The following DNMT3A variants were observed in gnomAD, a reference collection of about 807,000 sequenced individuals.
DNMT3A encodes DNA methyltransferase 3 alpha, also known as DNA (cytosine-5)-methyltransferase 3A.
DNMT3A carries 267 observed loss-of-function variants against 117.6 expected under a neutral mutation model. That is an observed-to-expected ratio of 2.27 (90% confidence interval 2.05 to 2.51). DNMT3A has a LOEUF of 2.51. DNMT3A is among the 30% of genes most tolerant of loss of function. The probability of loss-of-function intolerance (pLI) is 0.00; values close to 1 mark genes in which losing one functional copy is unlikely to be tolerated. For missense variants in DNMT3A, 1,029 were observed against 1,260.2 expected, an observed-to-expected ratio of 0.82 and a Z score of 2.78; for synonymous variants, 432 against 474.8, an observed-to-expected ratio of 0.91 and a Z score of 1.17.
At chr2:25,322,115 G>A (rs1470195377) in intron 1 of DNMT3A, among the ~76,000 whole-genome samples, 1 of 152,218 alleles carries the variant, frequency 6.6e-6, no homozygotes, top group Non-Finnish European at 1.5e-5. Context: ...TTGCCTCTGA[G>A]AAGAGGATAA....
At position 25,248,261 on chromosome 2, in the gene DNMT3A, A is replaced by C; in HGVS notation, c.640-9T>G. On this transcript the variant is annotated splice_polypyrimidine_tract_variant and intron_variant, in intron 6 of 22. Coordinates refer to ENST00000321117, the MANE Select transcript of DNMT3A (RefSeq NM_022552.5). ...TTGGCTTTCTTCTCAGCCTGGGGAA[A>C]CAAAAAACAAAAAGTCACCTTGACC... is the stretch of plus-strand genomic sequence containing the variant. 6.2e-7 allele frequency: 1 copy of C among 1,611,740 alleles called. No homozygotes were observed. Among genetic ancestry groups the C allele is most frequent in the Non-Finnish European group, 8.5e-7 (1 of 1,179,434 alleles).
Position 25,284,146 on chromosome 2 carries a change from CCTCGCTGG to C in DNMT3A, c.178-1443_178-1436del, listed in dbSNP as rs146653817. On this transcript the variant is annotated intron_variant, in intron 3 of 22. Coordinates refer to ENST00000321117, the MANE Select transcript of DNMT3A (RefSeq NM_022552.5). ...CACCAGGCTGCACTCAGCAACTCTGCCTCGCTGGCTCCGTATGCAGAACACCTACCCAG... is the reference window on the plus strand; with the variant it reads ...CACCAGGCTGCACTCAGCAACTCTGCCTCCGTATGCAGAACACCTACCCAG... 3.4e-3 allele frequency among the ~76,000 whole-genome samples: 514 copies of C among 152,326 alleles called. 1 individual carries two copies. Among genetic ancestry groups the C allele is most frequent in the African/African-American group, 0.012 (481 of 41,574 alleles).
At position 25,317,225 on chromosome 2, in the gene DNMT3A, CTT is replaced by C. The variant is rs34464455; in HGVS notation, c.-177-3066_-177-3065del. Reference sequence around the variant, plus strand: ...TACAGCCATGTACCACCACACCTGGCTTTTTTTTTTTTTTTTTGTAGAAACAG... The same window carrying C: ...TACAGCCATGTACCACCACACCTGGCTTTTTTTTTTTTTTTGTAGAAACAG... On this transcript the variant is annotated intron_variant, in intron 1 of 22. Transcript: ENST00000321117. 1.4e-3 allele frequency among the ~76,000 whole-genome samples: 182 copies of C among 128,702 alleles called. 1 individual carries two copies. Among genetic ancestry groups the C allele is most frequent in the African/African-American group, 2.3e-3 (79 of 34,996 alleles). The allele number at this position is 128,702 out of a possible 152,430, so 84.4% of individuals were successfully genotyped here.
chr2:25,295,766 C>T (rs1304049984), intron 3 of DNMT3A, among the ~76,000 whole-genome samples: 1 of 152,102 alleles, frequency 6.6e-6, no homozygotes, highest in African/African-American at 2.4e-5. Flanking sequence ...GAAAGCGGTC[C>T]CCAACTACCT....
At chr2:25,310,485 C>T (rs1052114513) in intron 2 of DNMT3A, among the ~76,000 whole-genome samples, 3 of 152,068 alleles carry the variant, frequency 2.0e-5, no homozygotes, top group Non-Finnish European at 2.9e-5. Context: ...GTAGGGCAGG[C>T]GGCAGGTGCC....
chr2:25,301,365 G>A (rs751919037), intron 2 of DNMT3A, among the ~76,000 whole-genome samples: 4 of 152,172 alleles, frequency 2.6e-5, no homozygotes, highest in Admixed American at 6.5e-5. Context: ...ATGGAAAGTG[G>A]AGGACTTGTA....
In DNMT3A at chr2:25,237,124, C is replaced by T. The variant is rs902051726; in HGVS notation, c.2409-119G>A. 5.4e-6 allele frequency: 5 copies of T among 918,276 alleles called. 1 individual carries two copies. In the African/African-American group the frequency reaches 8.2e-5, roughly 15 times the overall value. The allele number at this position is 918,276 out of a possible 1,614,324, so 56.9% of individuals were successfully genotyped here. On this transcript the variant is annotated intron_variant, in intron 20 of 22. Coordinates refer to ENST00000321117, the MANE Select transcript of DNMT3A (RefSeq NM_022552.5). The surrounding 1 kb of genome is among the most constrained non-coding windows in gnomAD (Gnocchi z 5.4). The stretch of plus-strand genomic sequence containing the variant: ...CTAGTTCACAGGGTAAGAGCCCCTT[C>T]CCCAAATCACGCACACACGTCATAA...
In DNMT3A at chr2:25,315,236, C is replaced by G. The variant is rs907119149; in HGVS notation, c.-177-1075G>C. Among the ~76,000 whole-genome samples, 7 of 152,328 alleles carry G rather than the reference C, an allele frequency of 4.6e-5. No homozygotes were observed. The East Asian group carries it at 1.4e-3, about 29-fold the overall frequency. ...TCAGGGCTCCCTGGAAAACCAGGAC[C>G]GGGAGAAAGCACAGGCTTGGCTCTC... is the stretch of plus-strand genomic sequence containing the variant. On this transcript the variant is annotated intron_variant, in intron 1 of 22. Transcript: ENST00000321117.
At chr2:25,323,065 G>C (rs1473960699) in intron 1 of DNMT3A, among the ~76,000 whole-genome samples, 1 of 151,972 alleles carries the variant, frequency 6.6e-6, no homozygotes, top group Non-Finnish European at 1.5e-5. Context: ...AAAGGTTTTC[G>C]TTGTGCCTGT....
intron 16 of DNMT3A, among the ~76,000 whole-genome samples, chr2:25,243,072 C>A (rs769695285): frequency 1.3e-5 from 2 of 152,050 alleles, no homozygotes; most frequent in African/African-American, 4.8e-5. Flanking sequence ...TTTGGGAGGC[C>A]GAGGTGGGCG....
intron 6 of DNMT3A, among the ~76,000 whole-genome samples, chr2:25,270,289 G>A (rs867205475): frequency 2.6e-5 from 4 of 152,124 alleles, no homozygotes; most frequent in Admixed American, 2.0e-4. Flanking sequence ...CTGCTGATGC[G>A]TAGATGACCC....
intron 20 of DNMT3A, among the ~76,000 whole-genome samples, chr2:25,238,805 A>C (rs1003018883): frequency 8.5e-5 from 13 of 152,188 alleles, no homozygotes; most frequent in African/African-American, 3.1e-4. Context: ...CCTCAGGAGA[A>C]TCTAAGAACC....
rs1254967511 is a variant in DNMT3A at position 25,234,293 on chromosome 2, A to T, written c.2725T>A (p.Phe909Ile). 6.2e-7 allele frequency: 1 copy of T among 1,613,588 alleles called. No homozygotes were observed. The highest frequency in any genetic ancestry group is 8.5e-7 in the Non-Finnish European group (1 of 1,179,718). The change falls in exon 23 of 23, where the codon TTT (phenylalanine) becomes ATT (isoleucine). Residue 909 changes from phenylalanine to isoleucine, a missense_variant. By Grantham distance (21) the Phe-to-Ile change is conservative. Coordinates refer to ENST00000321117, the MANE Select transcript of DNMT3A (RefSeq NM_022552.5). The surrounding 1 kb of genome is among the most constrained non-coding windows in gnomAD (Gnocchi z 4.5). Reference protein sequence around the residue: ...RHLFAPLKEYFACV With the variant: ...RHLFAPLKEYIACV Reference sequence around the variant, plus strand: ...CCCCATGTCCCTTACACACACGCAAAATACTCCTTCAGCGGAGCGAAGAGG... The same window carrying T: ...CCCCATGTCCCTTACACACACGCAATATACTCCTTCAGCGGAGCGAAGAGG...
chr2:25,283,197 T>C (rs186111780), intron 3 of DNMT3A, among the ~76,000 whole-genome samples: 2 of 152,164 alleles, frequency 1.3e-5, no homozygotes, highest in African/African-American at 4.8e-5. Flanking sequence ...ACCCCATCTC[T>C]ACTAAAAATA....
At chr2:25,314,664 G>C in intron 1 of DNMT3A, 3 of 985,432 alleles carry the variant, frequency 3.0e-6, no homozygotes, top group Non-Finnish European at 3.6e-6. Context: ...CTTCAGGACC[G>C]GTGCCTGGGC....
At chr2:25,288,858 T>G (rs569704055) in intron 3 of DNMT3A, among the ~76,000 whole-genome samples, 1 of 152,244 alleles carries the variant, frequency 6.6e-6, no homozygotes, top group African/African-American at 2.4e-5. Flanking sequence ...AAAGGAATGC[T>G]CCTTTAAATG....
chr2:25,310,195 A>T (rs2034031178), intron 2 of DNMT3A, among the ~76,000 whole-genome samples: 1 of 151,586 alleles, frequency 6.6e-6, no homozygotes, highest in Admixed American at 6.6e-5. Context: ...GGGGCTGTGG[A>T]CTCCCCTCTG....
intron 1 of DNMT3A, among the ~76,000 whole-genome samples, chr2:25,321,281 C>A (rs1320509056): frequency 6.6e-6 from 1 of 152,204 alleles, no homozygotes; most frequent in Admixed American, 6.5e-5. Context: ...TTTTCAACAT[C>A]TAGAGGCTGC....
chr2:25,307,872 G>A (rs1257292577), intron 2 of DNMT3A, among the ~76,000 whole-genome samples: 1 of 152,214 alleles, frequency 6.6e-6, no homozygotes, highest in Non-Finnish European at 1.5e-5. Context: ...ATTAAGAGCA[G>A]GAGGGACCCA....
Sources: allele counts gnomAD v4.1 joint callset (sites outside exome capture counted in the v4.1 genomes callset), GRCh38; gene constraint gnomAD v4.1.1; non-coding constraint Gnocchi (gnomAD v3.1); transcripts MANE v1.5; gene names NCBI Gene and HGNC (gene_info 2026-07-23, HGNC 2026-07-21).